LMNA: variants seen among roughly 807,000 people sequenced by gnomAD.
The protein encoded by LMNA is lamin A/C.
LMNA carries 20 observed loss-of-function variants against 70.4 expected under a neutral mutation model. That is an observed-to-expected ratio of 0.28 (90% CI 0.20 to 0.41). The LOEUF is 0.41. Ranked by LOEUF, LMNA falls within the 10% of genes least tolerant of loss-of-function variation. The pLI is 1.00. For synonymous variants in LMNA, 339 were observed against 372.8 expected, an observed-to-expected ratio of 0.91 and a Z score of 1.04; for missense variants, 652 against 917.2, an observed-to-expected ratio of 0.71 and a Z score of 3.73.
chr1:156,121,197 G>A (rs999042614), intron 1 of LMNA, among the ~76,000 whole-genome samples: 23 of 151,644 alleles, frequency 1.5e-4, no homozygotes, highest in African/African-American at 4.6e-4. Context: ...CTATAGGCAC[G>A]TGCCACATGC....
chr1:156,083,845 A>G (rs1648370846), intron 2 of LMNA, among the ~76,000 whole-genome samples: 2 of 152,234 alleles, frequency 1.3e-5, no homozygotes, highest in African/African-American at 4.8e-5. Flanking sequence ...GACTCCGGAA[A>G]TTCGGTGAGA....
Position 156,137,641 on chromosome 1 carries a change from A to G in LMNA, c.1609-13A>G. On this transcript the variant is annotated splice_polypyrimidine_tract_variant and intron_variant, in intron 9 of 11. Transcript: ENST00000368300. The surrounding 1 kb of genome is among the most constrained non-coding windows in gnomAD (Gnocchi z 4.6). ...GGCCCTGACCCTTGGACCTGGTTCC[A>G]TGTCCCCACCAGGAAGTGGCCATGC... 6.4e-7 allele frequency: 1 copy of G among 1,551,116 alleles called. No homozygotes were observed. The highest frequency in any genetic ancestry group is 1.7e-4 in the Middle Eastern group (1 of 5,990).
At chr1:156,128,576 T>C (rs544418827) in intron 1 of LMNA, among the ~76,000 whole-genome samples, 88 of 152,326 alleles carry the variant, frequency 5.8e-4, no homozygotes, top group African/African-American at 2.0e-3. Flanking sequence ...TTCCTCCTCC[T>C]GGCTTCTCCA....
intron 3 of LMNA, among the ~76,000 whole-genome samples, chr1:156,109,190 A>G (rs545390031): frequency 1.6e-4 from 24 of 152,292 alleles, no homozygotes; most frequent in African/African-American, 5.8e-4. Flanking sequence ...CCCTACACGA[A>G]TGGTTCTTAG....
At position 156,133,648 on chromosome 1, in the gene LMNA, G is replaced by A. The variant is rs540181109; in HGVS notation, c.514-755G>A. ...TCAAACATCCTCAGGTTCTTTTCAT[G>A]GCAGATAAGGGCATCTCTTCATGAG... On this transcript the variant is annotated intron_variant, in intron 2 of 11. Coordinates refer to ENST00000368300, the MANE Select transcript of LMNA (RefSeq NM_170707.4). Among the ~76,000 whole-genome samples, 229 of 152,102 alleles carry A rather than the reference G, an allele frequency of 1.5e-3. 1 individual carries two copies. The highest frequency in any genetic ancestry group is 2.7e-3 in the Non-Finnish European group (185 of 68,016).
At chr1:156,089,519 C>T (rs945771842) in intron 2 of LMNA, among the ~76,000 whole-genome samples, 1 of 151,558 alleles carries the variant, frequency 6.6e-6, no homozygotes. Context: ...TGGTCTCGAA[C>T]TCCTGACTTC....
chr1:156,112,844 C>T (rs1649590029), upstream of LMNA, among the ~76,000 whole-genome samples: 1 of 152,220 alleles, frequency 6.6e-6, no homozygotes, highest in South Asian at 2.1e-4. Context: ...GCCCTGCTTT[C>T]CTTGTGTTTG....
At chr1:156,114,675 G>T (rs1016407831), upstream of LMNA, 5 of 529,824 alleles carry the variant, frequency 9.4e-6, no homozygotes, top group Non-Finnish European at 1.6e-5. Flanking sequence ...TTCAGAGGAG[G>T]ACCTATTAGA....
rs1351060467 is a variant in LMNA at position 156,138,951 on chromosome 1, T to G, written c.1969-129T>G. The G allele has an allele frequency of 7.7e-7, 1 of 1,300,580 alleles. No individual in the cohort carries two copies. The highest frequency in any genetic ancestry group is 1.5e-5 in the African/African-American group (1 of 68,438). The allele number at this position is 1,300,580 out of a possible 1,614,324, so 80.6% of individuals were successfully genotyped here. A position where few individuals can be genotyped will look rare whatever the true frequency, so the allele number is the denominator to read the frequency against. On this transcript the variant is annotated intron_variant, in intron 11 of 11. Transcript: ENST00000368300. The surrounding 1 kb of genome is among the most constrained non-coding windows in gnomAD (Gnocchi z 5.5). ...TGCCCCTCTTGTCTGAGCCCCAGAC[T>G]GGAGGGCAGGGGCAGGGCTGGAGTG...
chr1:156,111,085 C>T (rs1275622144), upstream of LMNA, among the ~76,000 whole-genome samples: 1 of 152,086 alleles, frequency 6.6e-6, no homozygotes, highest in Non-Finnish European at 1.5e-5. Context: ...ATGGGGGTCA[C>T]AGAGGAAACA....
chr1:156,091,726 C>G (rs892185576), intron 3 of LMNA, among the ~76,000 whole-genome samples: 6 of 152,158 alleles, frequency 3.9e-5, no homozygotes, highest in African/African-American at 1.4e-4. Context: ...TCCCTACTTG[C>G]ACGGAGCTGA....
In LMNA at chr1:156,115,878, G is replaced by A. The variant is rs1292122072; in HGVS notation, c.356+604G>A. On this transcript the variant is annotated intron_variant, in intron 1 of 11. Transcript: ENST00000368300. This position sits in a 1 kb window ranked among gnomAD's most constrained non-coding sequence, Gnocchi z 5.8. ...CCCCCCCTCAGCATGACCTTGTCCT[G>A]GGTTCTAAGGGTTGGGAAGTTCTCC... Among the ~76,000 whole-genome samples the A allele has an allele frequency of 6.6e-6, 1 of 152,206 alleles. No homozygotes were observed. The highest frequency in any genetic ancestry group is 2.4e-5 in the African/African-American group (1 of 41,450).
rs763625309 is a variant in LMNA, at chr1:156,134,891, G to A, written c.726G>A (p.Ala242=). The change falls in exon 4 of 12, where the codon GCG becomes GCA. Residue 242 remains alanine, a synonymous_variant. Transcript: ENST00000368300. The surrounding 1 kb of genome is among the most constrained non-coding windows in gnomAD (Gnocchi z 5.3). ...GKQREFESRL[A]DALQELRAQH... ...AGCGTGAGTTTGAGAGCCGGCTGGC[G>A]GATGCGCTGCAGGAACTGCGGGCCC... 66 of 1,614,112 alleles carry A rather than the reference G, an allele frequency of 4.1e-5. No homozygotes were observed. Among genetic ancestry groups the A allele is most frequent in the African/African-American group, 8.0e-5 (6 of 74,938 alleles).
chr1:156,136,252 G>T lies in LMNA; in HGVS notation c.1196G>T (p.Arg399Leu). Reference protein sequence around the residue: ...LSPSPTSQRSRGRASSHSSQT... With the variant: ...LSPSPTSQRSLGRASSHSSQT... ...CCCAGCCCTACCTCGCAGCGCAGCC[G>T]TGGCCGTGCTTCCTCTCACTCATCC... Residue 399 changes from arginine (R) to leucine (L), a missense_variant, in exon 7 of 12, where the codon CGT (arginine) becomes CTT (leucine). Arg to Leu is a moderately radical substitution (Grantham distance 102). Transcript: ENST00000368300. The surrounding 1 kb of genome is among the most constrained non-coding windows in gnomAD (Gnocchi z 6.1). 1.2e-6 allele frequency: 2 copies of T among 1,611,926 alleles called. No homozygotes were observed. Among genetic ancestry groups the T allele is most frequent in the Non-Finnish European group, 1.7e-6 (2 of 1,180,024 alleles).
At chr1:156,107,507 C>T (rs1339973581) in intron 3 of LMNA, among the ~76,000 whole-genome samples, 3 of 152,250 alleles carry the variant, frequency 2.0e-5, no homozygotes, top group Non-Finnish European at 4.4e-5. Context: ...CCAGGGGCCT[C>T]CTGGAAGTGG....
chr1:156,095,254 TTGTG>T (rs1228980045), intron 3 of LMNA, among the ~76,000 whole-genome samples: 2 of 151,700 alleles, frequency 1.3e-5, no homozygotes, highest in African/African-American at 4.8e-5. Context: ...CAAAGCCAGT[TTGTG>T]TGTTCATGTT....
At chr1:156,105,487 TCAC>T (rs914528340) in intron 3 of LMNA, among the ~76,000 whole-genome samples, 1 of 152,094 alleles carries the variant, frequency 6.6e-6, no homozygotes, top group Non-Finnish European at 1.5e-5. Flanking sequence ...TCCTGCAGAT[TCAC>T]CACCACCCTC....
At position 156,138,613 on chromosome 1, in the gene LMNA, C is replaced by A. The variant is rs58596362; in HGVS notation, c.1824C>A (p.Gly608=). 2.5e-6 allele frequency: 4 copies of A among 1,612,818 alleles called. No individual in the cohort carries two copies. The African/African-American group carries it at 4.0e-5, about 16-fold the overall frequency. The change falls in exon 11 of 12, where the codon GGC becomes GGA. Residue 608 remains glycine, a synonymous_variant. Transcript: ENST00000368300. The surrounding 1 kb of genome is among the most constrained non-coding windows in gnomAD (Gnocchi z 5.5). ...ASASGSGAQV[G]GPISSGSSAS... Reference sequence around the variant, plus strand: ...CCAGCGGCTCAGGAGCCCAGGTGGGCGGACCCATCTCCTCTGGCTCTTCTG... The same window carrying A: ...CCAGCGGCTCAGGAGCCCAGGTGGGAGGACCCATCTCCTCTGGCTCTTCTG...
At position 156,137,819 on chromosome 1, in the gene LMNA, C is replaced by A; in HGVS notation, c.1698+76C>A. On this transcript the variant is annotated intron_variant, in intron 10 of 11. Transcript: ENST00000368300. This position sits in a 1 kb window ranked among gnomAD's most constrained non-coding sequence, Gnocchi z 4.6. ...AGGCCTGGGGGCAGCCTCTCCCCAG[C>A]CTCCCCGTGCCAAAAATCTTTTCAT... 5.2e-6 allele frequency: 8 copies of A among 1,543,248 alleles called. No individual in the cohort carries two copies. Among genetic ancestry groups the A allele is most frequent in the Non-Finnish European group, 7.0e-6 (8 of 1,145,498 alleles).
Sources: gnomAD v4.1 joint callset for allele counts (sites outside exome capture counted in the v4.1 genomes callset) on GRCh38, gnomAD v4.1.1 for gene constraint, Gnocchi (gnomAD v3.1) non-coding constraint, MANE v1.5 for transcripts, NCBI Gene and HGNC (gene_info 2026-07-23, HGNC 2026-07-21) for gene names.